Variants in TENM2 observed in about 807,000 individuals in gnomAD.
The protein encoded by TENM2 is teneurin-2.
In TENM2, 52 loss-of-function variants were observed where a neutral mutation model predicts 245.2. The ratio of observed to expected loss-of-function variants is 0.21; its 90% CI spans 0.17 to 0.27. The LOEUF (loss-of-function observed/expected upper bound fraction) is 0.27. Among genes scored for constraint, TENM2 ranks in the 10% least tolerant of loss-of-function variants. The probability of loss-of-function intolerance (pLI) is 1.00; values close to 1 mark genes in which losing one functional copy is unlikely to be tolerated. For synonymous variants in TENM2, 1,363 were observed against 1,438.9 expected (o/e 0.95, Z 1.19); for missense variants, 3,046 against 3,666.8 (o/e 0.83, Z 4.37).
At chr5:167,488,283 A>G (rs1210082944) in intron 2 of TENM2, among the ~76,000 whole-genome samples, 1 of 152,196 alleles carries the variant, frequency 6.6e-6, no homozygotes, top group Non-Finnish European at 1.5e-5. Flanking sequence ...TTTATAGAAC[A>G]ATGTCTTGAA....
At chr5:167,364,880 CTT>C (rs1581850127) in intron 1 of TENM2, among the ~76,000 whole-genome samples, 1 of 151,896 alleles carries the variant, frequency 6.6e-6, no homozygotes, top group South Asian at 2.1e-4. Flanking sequence ...AGATTTAACT[CTT>C]TTCTCAGTAA....
chr5:167,793,623 C>T (rs1169339312), intron 2 of TENM2, among the ~76,000 whole-genome samples: 1 of 151,900 alleles, frequency 6.6e-6, no homozygotes, highest in Non-Finnish European at 1.5e-5. Context: ...TCACTTGAGC[C>T]CAGGAGTTCG....
intron 2 of TENM2, among the ~76,000 whole-genome samples, chr5:167,871,223 G>C (rs1772799666): frequency 6.6e-6 from 1 of 152,080 alleles, no homozygotes; most frequent in African/African-American, 2.4e-5. Flanking sequence ...TGAGGACCTG[G>C]AGCATGGCTG....
the TENM2 span, among the ~76,000 whole-genome samples, chr5:167,147,997 A>G: frequency 1.3e-5 from 2 of 152,300 alleles, no homozygotes; most frequent in Admixed American, 1.3e-4. Context: ...ATGACTCACC[A>G]TGCCTGCCAC....
chr5:167,209,169 C>G, the TENM2 span, among the ~76,000 whole-genome samples: 1 of 152,200 alleles, frequency 6.6e-6, no homozygotes, highest in Non-Finnish European at 1.5e-5. Flanking sequence ...CTACCTACTT[C>G]ATATCGCTAC....
chr5:167,068,349 G>A, the TENM2 span, among the ~76,000 whole-genome samples: 1 of 152,110 alleles, frequency 6.6e-6, no homozygotes, highest in Admixed American at 6.6e-5. Context: ...CACCAGTATC[G>A]CCTGGGAAAG....
the TENM2 span, among the ~76,000 whole-genome samples, chr5:167,230,790 T>G: frequency 6.6e-6 from 1 of 152,210 alleles, no homozygotes; most frequent in Non-Finnish European, 1.5e-5. Context: ...AGAAATGTAA[T>G]GTAAACTTAT....
At chr5:168,022,130 A>G (rs1786205086) in intron 5 of TENM2, among the ~76,000 whole-genome samples, 1 of 152,218 alleles carries the variant, frequency 6.6e-6, no homozygotes, top group Non-Finnish European at 1.5e-5. Flanking sequence ...TTGTTTATTC[A>G]TTTACTCATC....
intron 5 of TENM2, among the ~76,000 whole-genome samples, chr5:168,013,231 T>C (rs1226209802): frequency 1.3e-5 from 2 of 152,162 alleles, no homozygotes; most frequent in Non-Finnish European, 2.9e-5. Flanking sequence ...CCTTTGAAGA[T>C]GATAAGGGAA....
At chr5:167,538,914 C>A (rs767357210) in intron 2 of TENM2, among the ~76,000 whole-genome samples, 1 of 152,162 alleles carries the variant, frequency 6.6e-6, no homozygotes, top group Non-Finnish European at 1.5e-5. Flanking sequence ...ATGTTTAGTT[C>A]TGGTTCTTAA....
intron 2 of TENM2, among the ~76,000 whole-genome samples, chr5:167,736,968 C>T (rs1030136860): frequency 6.6e-6 from 1 of 152,190 alleles, no homozygotes; most frequent in Admixed American, 6.5e-5. Flanking sequence ...AAGCACAAGT[C>T]TCCCTACTGA....
intron 12 of TENM2, among the ~76,000 whole-genome samples, chr5:168,159,437 A>C (rs956985571): frequency 2.0e-5 from 3 of 152,174 alleles, no homozygotes; most frequent in Admixed American, 1.3e-4. Flanking sequence ...AGCCCAATCC[A>C]ACTTCGGTTA....
the TENM2 span, among the ~76,000 whole-genome samples, chr5:167,073,167 T>C: frequency 3.2e-3 from 489 of 152,322 alleles, 3 homozygotes; most frequent in African/African-American, 0.011. Context: ...AGATGTATGG[T>C]ATTTATTTGC....
intron 13 of TENM2, chr5:168,165,290 G>C (rs189843515): frequency 2.6e-5 from 4 of 152,336 alleles, no homozygotes; most frequent in Admixed American, 2.6e-4. Flanking sequence ...TGCTGGTAAG[G>C]TTCACTGCTT....
At chr5:167,615,145 G>T (rs1271026277) in intron 2 of TENM2, among the ~76,000 whole-genome samples, 1 of 152,088 alleles carries the variant, frequency 6.6e-6, no homozygotes, top group Non-Finnish European at 1.5e-5. Flanking sequence ...ATACATTTTT[G>T]TCACCTAATA....
chr5:167,609,630 G>C (rs1777336543), intron 2 of TENM2, among the ~76,000 whole-genome samples: 1 of 151,994 alleles, frequency 6.6e-6, no homozygotes, highest in African/African-American at 2.4e-5. Context: ...CATGGTTTGA[G>C]GGAGTGAACT....
At chr5:168,078,973 A>AT (rs1791729900) in intron 7 of TENM2, among the ~76,000 whole-genome samples, 1 of 152,168 alleles carries the variant, frequency 6.6e-6, no homozygotes, top group African/African-American at 2.4e-5. Context: ...GAGGAAAGTC[A>AT]TTGGTAGCTT....
intron 2 of TENM2, among the ~76,000 whole-genome samples, chr5:167,510,562 A>G (rs1220455236): frequency 6.6e-6 from 1 of 152,006 alleles, no homozygotes; most frequent in African/African-American, 2.4e-5. Context: ...GTTACTATAG[A>G]AAAAAATCAA....
chr5:167,242,001 TG>T, the TENM2 span, among the ~76,000 whole-genome samples: 1 of 152,032 alleles, frequency 6.6e-6, no homozygotes, highest in African/African-American at 2.4e-5. Flanking sequence ...CTGCTTTGCT[TG>T]TTTTTTTTGT....
Sources: allele counts gnomAD v4.1 joint callset (sites outside exome capture counted in the v4.1 genomes callset), GRCh38; gene constraint gnomAD v4.1.1; transcripts MANE v1.5; gene names NCBI Gene and HGNC (gene_info 2026-07-23, HGNC 2026-07-21).